The following MIER1 variants were observed in gnomAD, a reference collection of about 807,000 sequenced individuals.
MIER1 encodes the protein mesoderm induction early response protein 1.
A neutral mutation model predicts 75.7 loss-of-function variants in MIER1; 40 were observed. The ratio of observed to expected loss-of-function variants is 0.53; its 90% CI spans 0.41 to 0.69. The LOEUF (loss-of-function observed/expected upper bound fraction) is 0.69, where lower values mean the gene tolerates loss of function less well. Ranked by LOEUF, MIER1 falls within the 30% of genes least tolerant of loss-of-function variation. The pLI, the probability that MIER1 is intolerant of heterozygous loss-of-function variation, is 0.00. For synonymous variants in MIER1, 213 were observed against 223.4 expected, an observed-to-expected ratio of 0.95 and a Z score of 0.42; for missense variants, 574 against 680.2, an observed-to-expected ratio of 0.84 and a Z score of 1.74.
At chr1:66,977,183 C>T (rs1043204134) in intron 12 of MIER1, among the ~76,000 whole-genome samples, 2 of 151,810 alleles carry the variant, frequency 1.3e-5, no homozygotes, top group African/African-American at 2.4e-5. Context: ...AATCTCAGCT[C>T]CCTGCAGCCT....
At chr1:66,956,912 C>G (rs1045053834) in intron 4 of MIER1, among the ~76,000 whole-genome samples, 5 of 152,308 alleles carry the variant, frequency 3.3e-5, no homozygotes, top group African/African-American at 1.2e-4. Flanking sequence ...ATCATCTAAT[C>G]CAGTCTGATT....
At chr1:66,944,572 A>T (rs1657037755) in intron 3 of MIER1, among the ~76,000 whole-genome samples, 1 of 151,696 alleles carries the variant, frequency 6.6e-6, no homozygotes, top group African/African-American at 2.4e-5. Flanking sequence ...TGTCAGTTAG[A>T]CATGTTTATT....
At chr1:66,984,277 C>T (rs1666459893) in intron 13 of MIER1, among the ~76,000 whole-genome samples, 1 of 152,198 alleles carries the variant, frequency 6.6e-6, no homozygotes, top group African/African-American at 2.4e-5. Flanking sequence ...ATGCTTTTAA[C>T]ATATGCCAAA....
intron 9 of MIER1, 23 bp from the exon 10 acceptor site, chr1:66,971,632 A>G: frequency 8.2e-7 from 1 of 1,213,764 alleles, no homozygotes; most frequent in Non-Finnish European, 1.2e-6. Flanking sequence ...CTTGTCACAT[A>G]TTCAAGCCTT....
intron 4 of MIER1, chr1:66,948,053 T>C (rs1658087632): frequency 3.1e-5 from 30 of 972,798 alleles, no homozygotes; most frequent in Non-Finnish European, 3.7e-5. Context: ...TTCTTTAGTG[T>C]TAGGACACAA....
In MIER1 at chr1:66,984,683, T is replaced by C. The variant is rs548273681; in HGVS notation, c.1481T>C (p.Met494Thr). The C allele has an allele frequency of 3.0e-5, 48 of 1,614,032 alleles. No individual in the cohort carries two copies. In the South Asian group the frequency reaches 3.4e-4, roughly 11 times the overall value. The change falls in exon 14 of 14, where the codon ATG becomes ACG. Residue 494 changes from methionine (M) to threonine (T), a missense_variant. Around this residue, in one of 3 missense-constraint regions of MIER1, gnomAD observed 164 missense variants for 154.3 expected, o/e 1.06. Coordinates refer to ENST00000401041, the MANE Select transcript of MIER1 (RefSeq NM_001077700.3). Reference protein sequence around the residue: ...GGNKKPLHADMDTNGYETDNL... With the variant: ...GGNKKPLHADTDTNGYETDNL... ...AATAAGAAACCACTTCATGCAGATA[T>C]GGATACTAATGGTTATGAAACAGAT... is the stretch of plus-strand genomic sequence containing the variant.
chr1:66,966,979 G>A (rs916566062), intron 8 of MIER1, among the ~76,000 whole-genome samples: 2 of 152,070 alleles, frequency 1.3e-5, no homozygotes, highest in African/African-American at 4.8e-5. Flanking sequence ...TTTGTTGATT[G>A]TTTCCTTTGC....
intron 4 of MIER1, among the ~76,000 whole-genome samples, chr1:66,951,609 C>G (rs988682153): frequency 6.7e-6 from 1 of 148,596 alleles, no homozygotes; most frequent in Non-Finnish European, 1.5e-5. Context: ...GAGACAGGGT[C>G]TCGTTCTGTC....
At chr1:66,980,747 T>C (rs531118741) in intron 12 of MIER1, among the ~76,000 whole-genome samples, 23 of 152,160 alleles carry the variant, frequency 1.5e-4, no homozygotes, top group South Asian at 4.2e-4. Flanking sequence ...GTGGTGCAGG[T>C]ATAAACAAAG....
chr1:66,956,023 G>A (rs1443087524), intron 4 of MIER1, among the ~76,000 whole-genome samples: 1 of 152,196 alleles, frequency 6.6e-6, no homozygotes, highest in Non-Finnish European at 1.5e-5. Context: ...TGTTGACACT[G>A]CTTTCATGGT....
At chr1:66,932,385 C>T (rs972468741) in intron 2 of MIER1, among the ~76,000 whole-genome samples, 1 of 152,038 alleles carries the variant, frequency 6.6e-6, no homozygotes, top group Non-Finnish European at 1.5e-5. Context: ...CTTCTATATT[C>T]TTCAGTTACT....
At chr1:66,958,323 T>C in intron 5 of MIER1, 103 bp downstream of exon 5, 1 of 536,776 alleles carries the variant, frequency 1.9e-6, no homozygotes. Context: ...TTTTCCTGAT[T>C]TTAAAAGTGT....
chr1:66,948,218 G>A (rs1406588002), intron 4 of MIER1: 1 of 939,094 alleles, frequency 1.1e-6, no homozygotes, highest in Non-Finnish European at 1.3e-6. Flanking sequence ...AGTCTGGTAT[G>A]TTCTAATAAA....
rs1660703211 is a variant in MIER1, at chr1:66,958,955, C to T, written c.606C>T (p.Arg202=). ...VASQDAQEII[R]PRRCKYFDTN... The stretch of plus-strand genomic sequence containing the variant: ...CTCAAGATGCCCAGGAAATAATCCG[C>T]CCACGTCGATGTAAATATTTTGATA... The change falls in exon 6 of 14, where the codon CGC becomes CGT. Residue 202 remains arginine (R), a synonymous_variant. Coordinates refer to ENST00000401041, the MANE Select transcript of MIER1 (RefSeq NM_001077700.3). The T allele has an allele frequency of 4.3e-6, 7 of 1,612,568 alleles. No homozygotes were observed. Among genetic ancestry groups the T allele is most frequent in the African/African-American group, 1.3e-5 (1 of 74,888 alleles).
At position 66,974,392 on chromosome 1, in the gene MIER1, T is replaced by C. The variant is rs573813496; in HGVS notation, c.1101+1401T>C. Among the ~76,000 whole-genome samples the C allele has an allele frequency of 2.6e-5, 4 of 152,242 alleles. No individual in the cohort carries two copies. In the South Asian group the frequency reaches 6.2e-4, roughly 24 times the overall value. The stretch of plus-strand genomic sequence containing the variant: ...TTAAAAAAGAAAAAAGTTCGTTGTT[T>C]CATGGTTGAAAGGGACAACATTTTT... On this transcript the variant is annotated intron_variant, in intron 11 of 13. Coordinates refer to ENST00000401041, the MANE Select transcript of MIER1 (RefSeq NM_001077700.3).
At chr1:66,945,100 AT>A (rs2101445300) in intron 3 of MIER1, among the ~76,000 whole-genome samples, 1 of 152,226 alleles carries the variant, frequency 6.6e-6, no homozygotes, top group Admixed American at 6.5e-5. Flanking sequence ...TAGACTGTGT[AT>A]TCAGATGACT....
intron 8 of MIER1, among the ~76,000 whole-genome samples, chr1:66,968,728 A>G (rs11208976): frequency 0.22 from 33,153 of 152,154 alleles, 3,960 homozygotes; most frequent in Non-Finnish European, 0.26. Flanking sequence ...ATCTGTTTTG[A>G]TTACAAAATC....
At chr1:66,953,027 T>G (rs1160334688) in intron 4 of MIER1, among the ~76,000 whole-genome samples, 1 of 152,226 alleles carries the variant, frequency 6.6e-6, no homozygotes, top group East Asian at 1.9e-4. Context: ...TAGTCTATGC[T>G]TCTTTCTTAA....
At chr1:66,969,539 C>G (rs955798892) in intron 8 of MIER1, among the ~76,000 whole-genome samples, 2 of 75,250 alleles carry the variant, frequency 2.7e-5, no homozygotes, top group African/African-American at 1.2e-4. Context: ...AGCAAGACTT[C>G]GTCTCCAAAA....
Sources: allele counts gnomAD v4.1 joint callset (sites outside exome capture counted in the v4.1 genomes callset), GRCh38; gene constraint gnomAD v4.1.1; regional missense constraint gnomAD v4.1.1; transcripts MANE v1.5; gene names NCBI Gene and HGNC (gene_info 2026-07-23, HGNC 2026-07-21).